The following WDFY3 variants were observed in gnomAD, a reference collection of about 807,000 sequenced individuals.
WDFY3 encodes WD repeat and FYVE domain containing 3.
A neutral mutation model predicts 409.6 loss-of-function variants in WDFY3; 66 were observed. The ratio of observed to expected loss-of-function variants is 0.16; its 90% confidence interval spans 0.13 to 0.20. The LOEUF is 0.20. WDFY3 is among the 10% of genes least tolerant of loss of function. WDFY3 has a pLI of 1.00. For synonymous variants in WDFY3, 1,521 were observed against 1,537.1 expected, an observed-to-expected ratio of 0.99 and a Z score of 0.25; for missense variants, 3,031 against 4,298.1, an observed-to-expected ratio of 0.71 and a Z score of 8.24.
intron 30 of WDFY3, among the ~76,000 whole-genome samples, chr4:84,769,555 C>T (rs1290591094): frequency 2.6e-5 from 4 of 152,028 alleles, no homozygotes; most frequent in African/African-American, 9.7e-5. Context: ...GCTGGGACTA[C>T]AGGTGACTGC....
chr4:84,849,755 T>A, intron 5 of WDFY3, 147 bp downstream of exon 5: 1 of 1,133,538 alleles, frequency 8.8e-7, no homozygotes, highest in South Asian at 1.6e-5. Context: ...AGGAAAAGAA[T>A]GTGACTCTAA....
intron 2 of WDFY3, among the ~76,000 whole-genome samples, chr4:84,906,244 C>G (rs1767025166): frequency 6.6e-6 from 1 of 152,162 alleles, no homozygotes; most frequent in African/African-American, 2.4e-5. Context: ...ATGATCTTCT[C>G]TCATGAAGTA....
chr4:84,670,959 T>G lies in WDFY3; in HGVS notation c.*1909A>C, dbSNP rs1040645877. 1.3e-5 allele frequency: 2 copies of G among 152,652 alleles called. No homozygotes were observed. Among genetic ancestry groups the G allele is most frequent in the African/African-American group, 2.4e-5 (1 of 41,460 alleles). The allele number at this position is 152,652 out of a possible 1,614,324, so 9.5% of individuals were successfully genotyped here. Reference sequence around the variant, plus strand: ...ATTAAAGTATTAATGCCGATAATCCTTTTATTAACAAGTATATTTGAACTT... The same window carrying G: ...ATTAAAGTATTAATGCCGATAATCCGTTTATTAACAAGTATATTTGAACTT... On this transcript the variant is annotated 3_prime_UTR_variant, in exon 68 of 68. Transcript: ENST00000295888.
At chr4:84,849,311 G>A (rs534679613) in intron 5 of WDFY3, among the ~76,000 whole-genome samples, 3 of 152,112 alleles carry the variant, frequency 2.0e-5, no homozygotes, top group African/African-American at 7.2e-5. Context: ...TGACCACCCA[G>A]GAGGTTGAGA....
At chr4:84,889,293 G>A (rs1764632125) in intron 3 of WDFY3, among the ~76,000 whole-genome samples, 1 of 152,128 alleles carries the variant, frequency 6.6e-6, no homozygotes, top group Admixed American at 6.6e-5. Context: ...TAAAATGTGT[G>A]CAGTCTTTTG....
At chr4:84,818,968 A>C (rs1333605042) in intron 12 of WDFY3, among the ~76,000 whole-genome samples, 2 of 152,078 alleles carry the variant, frequency 1.3e-5, no homozygotes. Context: ...GTCTATCTTC[A>C]TTATGTTTCT....
At chr4:84,688,042 G>C in intron 62 of WDFY3, 44 bp downstream of exon 62, 1 of 1,581,598 alleles carries the variant, frequency 6.3e-7, no homozygotes, top group Non-Finnish European at 8.6e-7. Context: ...GTTTGGCCAA[G>C]ACTACTTGTT....
chr4:84,802,426 AT>A (rs997151873), intron 16 of WDFY3, among the ~76,000 whole-genome samples: 1 of 151,398 alleles, frequency 6.6e-6, no homozygotes, highest in Non-Finnish European at 1.5e-5. Flanking sequence ...TGCCAGGCTA[AT>A]TTTTTGCATT....
Position 84,774,816 on chromosome 4 carries a change from C to A in WDFY3, c.4754+4G>T. ...AAAGACAAAGACAAAGAAGTTTTTC[C>A]TACCTGAGCAGATCATTGCTGCTAG... On this transcript the variant is annotated splice_donor_region_variant and intron_variant, in intron 29 of 67. Coordinates refer to ENST00000295888, the MANE Select transcript of WDFY3 (RefSeq NM_014991.6). 6.3e-7 allele frequency: 1 copy of A among 1,584,632 alleles called. No individual in the cohort carries two copies. The highest frequency in any genetic ancestry group is 1.2e-5 in the South Asian group (1 of 85,666).
intron 2 of WDFY3, among the ~76,000 whole-genome samples, chr4:84,904,521 A>G (rs1766769315): frequency 6.6e-6 from 1 of 152,214 alleles, no homozygotes; most frequent in African/African-American, 2.4e-5. Flanking sequence ...CTATTACAGT[A>G]CCATTACTGC....
At chr4:84,796,368 T>A (rs1187796934) in intron 19 of WDFY3, among the ~76,000 whole-genome samples, 153 bp downstream of exon 19, 1 of 152,170 alleles carries the variant, frequency 6.6e-6, no homozygotes, top group Admixed American at 6.5e-5. Context: ...TGTAGTAATC[T>A]TAAAATAGCA....
At chr4:84,870,432 G>A (rs1761987345) in intron 3 of WDFY3, among the ~76,000 whole-genome samples, 1 of 152,082 alleles carries the variant, frequency 6.6e-6, no homozygotes, top group South Asian at 2.1e-4. Flanking sequence ...ACACCTCAAT[G>A]GTAAGTGGGA....
At chr4:84,929,708 G>A (rs748116575) in intron 2 of WDFY3, among the ~76,000 whole-genome samples, 1 of 152,062 alleles carries the variant, frequency 6.6e-6, no homozygotes, top group South Asian at 2.1e-4. Flanking sequence ...TCAGGAGTTC[G>A]AGAACAGCCT....
At chr4:84,785,954 T>C in intron 24 of WDFY3, 25 bp downstream of exon 24, 2 of 1,612,760 alleles carry the variant, frequency 1.2e-6, no homozygotes, top group Non-Finnish European at 1.7e-6. Flanking sequence ...TCAGCCATAG[T>C]ACACCAAGAA....
intron 2 of WDFY3, among the ~76,000 whole-genome samples, chr4:84,911,490 A>G (rs1579091920): frequency 6.6e-6 from 1 of 152,282 alleles, no homozygotes; most frequent in East Asian, 1.9e-4. Flanking sequence ...CTGTCTCTTA[A>G]AAAAGAAAAA....
At chr4:84,800,921 C>G (rs1195848176) in intron 17 of WDFY3, among the ~76,000 whole-genome samples, 1 of 152,090 alleles carries the variant, frequency 6.6e-6, no homozygotes, top group Non-Finnish European at 1.5e-5. Flanking sequence ...CTGTGCGGCC[C>G]AGTTCCTAAC....
intron 47 of WDFY3, among the ~76,000 whole-genome samples, chr4:84,720,759 T>C (rs1052547639): frequency 1.3e-5 from 2 of 152,152 alleles, no homozygotes; most frequent in Non-Finnish European, 2.9e-5. Context: ...CTTTATAAAT[T>C]ATCCAGCCTC....
At chr4:84,829,260 A>T (rs890474405) in intron 8 of WDFY3, 70 bp from the exon 9 acceptor site, 2 of 1,272,444 alleles carry the variant, frequency 1.6e-6, no homozygotes, top group Non-Finnish European at 2.1e-6. Context: ...TTAATTGTTA[A>T]CTGTTGTTTA....
At chr4:84,781,558 C>T (rs952476835) in intron 25 of WDFY3, among the ~76,000 whole-genome samples, 1 of 151,824 alleles carries the variant, frequency 6.6e-6, no homozygotes, top group African/African-American at 2.4e-5. Context: ...GCCCACAATA[C>T]CTTCATATAT....
Sources: allele counts gnomAD v4.1 joint callset (sites outside exome capture counted in the v4.1 genomes callset), GRCh38; gene constraint gnomAD v4.1.1; transcripts MANE v1.5; gene names NCBI Gene and HGNC (gene_info 2026-07-23, HGNC 2026-07-21).